The following NSMCE2 variants were observed in gnomAD, a reference collection of about 807,000 sequenced individuals.
The protein encoded by NSMCE2 is E3 SUMO-protein ligase NSE2.
In NSMCE2, 24 loss-of-function variants were observed where a neutral mutation model predicts 23.8. That is an observed-to-expected ratio of 1.01 (90% confidence interval 0.73 to 1.42). The LOEUF is 1.42. NSMCE2 is among the 40% of genes most tolerant of loss of function. The pLI is 0.00. For missense variants in NSMCE2, 284 were observed against 296.5 expected, an observed-to-expected ratio of 0.96 and a Z score of 0.31; for synonymous variants, 92 against 94.1, an observed-to-expected ratio of 0.98 and a Z score of 0.13.
chr8:125,113,441 C>T (rs1233487415), intron 3 of NSMCE2, among the ~76,000 whole-genome samples: 2 of 152,016 alleles, frequency 1.3e-5, no homozygotes, highest in Non-Finnish European at 2.9e-5. Flanking sequence ...GATTATACCA[C>T]TACACTTGAA....
intron 5 of NSMCE2, chr8:125,351,316 A>G (rs1438147622): frequency 2.0e-5 from 3 of 152,102 alleles, no homozygotes; most frequent in Admixed American, 2.0e-4. Flanking sequence ...AAACATATCC[A>G]GGGTTTCTCC....
At chr8:125,265,342 C>T (rs1826867585) in intron 5 of NSMCE2, among the ~76,000 whole-genome samples, 1 of 152,036 alleles carries the variant, frequency 6.6e-6, no homozygotes, top group Non-Finnish European at 1.5e-5. Context: ...CTACCTCAGC[C>T]TCCCAAGTAG....
chr8:125,255,276 AATAAATG>A (rs1365596865), intron 5 of NSMCE2, among the ~76,000 whole-genome samples: 3 of 152,218 alleles, frequency 2.0e-5, no homozygotes, highest in Non-Finnish European at 4.4e-5. Flanking sequence ...TTGTGAGCAA[AATAAATG>A]ACTGTTGAGT....
intron 7 of NSMCE2, chr8:125,363,160 A>T (rs758022239): frequency 6.6e-6 from 1 of 152,200 alleles, no homozygotes; most frequent in Non-Finnish European, 1.5e-5. Context: ...TTCTAGTCAC[A>T]AAAGTGTCTG....
At chr8:125,261,755 AAAAC>A (rs1445208847) in intron 5 of NSMCE2, among the ~76,000 whole-genome samples, 2 of 151,972 alleles carry the variant, frequency 1.3e-5, no homozygotes, top group African/African-American at 4.8e-5. Flanking sequence ...TAAAAAAAAA[AAAAC>A]AAAAACAAAA....
At chr8:125,205,779 G>A (rs368072705) in intron 5 of NSMCE2, among the ~76,000 whole-genome samples, 34 of 152,258 alleles carry the variant, frequency 2.2e-4, no homozygotes, top group East Asian at 1.3e-3. Flanking sequence ...AAAATGGTTA[G>A]AATTATAGGT....
chr8:125,250,655 G>A (rs938827598), intron 5 of NSMCE2, among the ~76,000 whole-genome samples: 12 of 151,902 alleles, frequency 7.9e-5, no homozygotes. Context: ...GTTTTGTTTT[G>A]TTTTGTTTTT....
At chr8:125,223,647 C>G (rs1824967258) in intron 5 of NSMCE2, among the ~76,000 whole-genome samples, 1 of 152,086 alleles carries the variant, frequency 6.6e-6, no homozygotes, top group African/African-American at 2.4e-5. Flanking sequence ...TGTCTTTTGT[C>G]TTTTTGCTAA....
At chr8:125,305,971 C>T (rs1055982809) in intron 5 of NSMCE2, among the ~76,000 whole-genome samples, 1 of 152,130 alleles carries the variant, frequency 6.6e-6, no homozygotes, top group African/African-American at 2.4e-5. Context: ...ATAAGATTGG[C>T]CCCAAAGCCA....
intron 5 of NSMCE2, among the ~76,000 whole-genome samples, chr8:125,279,350 A>G (rs1383082133): frequency 6.6e-6 from 1 of 152,234 alleles, no homozygotes; most frequent in Non-Finnish European, 1.5e-5. Context: ...CACTCAGAAA[A>G]GTAGCTTCCT....
At chr8:125,250,347 C>A (rs1826154964) in intron 5 of NSMCE2, among the ~76,000 whole-genome samples, 1 of 152,084 alleles carries the variant, frequency 6.6e-6, no homozygotes, top group Admixed American at 6.5e-5. Flanking sequence ...AAAAAAGCAT[C>A]CTTTCATCCA....
chr8:125,177,162 A>G (rs867454016), intron 4 of NSMCE2, among the ~76,000 whole-genome samples: 1 of 152,226 alleles, frequency 6.6e-6, no homozygotes, highest in African/African-American at 2.4e-5. Context: ...GAAAAGAATA[A>G]AAGTTTTTGA....
chr8:125,249,072 G>A (rs1454621834), intron 5 of NSMCE2, among the ~76,000 whole-genome samples: 17 of 151,960 alleles, frequency 1.1e-4, no homozygotes, highest in African/African-American at 4.1e-4. Context: ...TAGGGAAGCT[G>A]AGGAACAAGA....
At chr8:125,136,510 C>T (rs944110425) in intron 3 of NSMCE2, among the ~76,000 whole-genome samples, 1 of 152,014 alleles carries the variant, frequency 6.6e-6, no homozygotes, top group Admixed American at 6.6e-5. Context: ...AGACTAGGTG[C>T]CTGCATGTGG....
intron 4 of NSMCE2, among the ~76,000 whole-genome samples, chr8:125,162,640 A>G (rs1821686228): frequency 6.6e-6 from 1 of 152,162 alleles, no homozygotes; most frequent in African/African-American, 2.4e-5. Flanking sequence ...ACATTATGTG[A>G]AAGTACTTGG....
chr8:125,215,478 T>C (rs1159648649), intron 5 of NSMCE2, among the ~76,000 whole-genome samples: 5 of 151,986 alleles, frequency 3.3e-5, no homozygotes, highest in Non-Finnish European at 7.4e-5. Flanking sequence ...TCTTTGCTAT[T>C]GTGAATAATG....
intron 5 of NSMCE2, among the ~76,000 whole-genome samples, chr8:125,345,232 G>A (rs1294032591): frequency 2.0e-5 from 3 of 151,222 alleles, no homozygotes; most frequent in Admixed American, 2.0e-4. Context: ...TGTGACCTCC[G>A]TCGTCTTTCT....
At chr8:125,351,250 C>T (rs1813020032) in intron 5 of NSMCE2, 1 of 152,058 alleles carries the variant, frequency 6.6e-6, no homozygotes. Flanking sequence ...CATGACACCT[C>T]CCATCCAATT....
rs545092216 is a variant in NSMCE2, at chr8:125,236,954, A to C, written c.418+54698A>C. ...AATACTAGTGAAAACTGAATGAGTA[A>C]ATGTACCTTAAGTAGAACAAAGGGC... On this transcript the variant is annotated intron_variant, in intron 5 of 7. Coordinates refer to ENST00000287437, the MANE Select transcript of NSMCE2 (RefSeq NM_173685.4). Among the ~76,000 whole-genome samples, 26 of 152,308 alleles carry C rather than the reference A, an allele frequency of 1.7e-4. No individual in the cohort carries two copies. In the South Asian group the frequency reaches 2.3e-3, roughly 13 times the overall value.
Sources: gnomAD v4.1 joint callset for allele counts (sites outside exome capture counted in the v4.1 genomes callset) on GRCh38, gnomAD v4.1.1 for gene constraint, MANE v1.5 for transcripts, NCBI Gene and HGNC (gene_info 2026-07-23, HGNC 2026-07-21) for gene names.